The following ZNF619 variants were observed in gnomAD, a reference collection of about 807,000 sequenced individuals.
ZNF619 encodes zinc finger protein 619.
ZNF619 carries 9 observed loss-of-function variants against 14.2 expected under a neutral mutation model. The ratio of observed to expected loss-of-function variants is 0.64; its 90% CI spans 0.38 to 1.11. ZNF619 has a LOEUF of 1.11. Ranked by LOEUF, ZNF619 falls within the 50% of genes least tolerant of loss-of-function variation. The pLI is 0.01. For synonymous variants in ZNF619, 246 were observed against 252.8 expected, an observed-to-expected ratio of 0.97 and a Z score of 0.26; for missense variants, 659 against 680.1, an observed-to-expected ratio of 0.97 and a Z score of 0.34.
In ZNF619 at chr3:40,482,692, G is replaced by T; in HGVS notation, c.283G>T (p.Gly95Cys). The T allele has an allele frequency of 6.2e-7, 1 of 1,613,662 alleles. No individual in the cohort carries two copies. Among genetic ancestry groups the T allele is most frequent in the Non-Finnish European group, 8.5e-7 (1 of 1,179,738 alleles). ...WTLAGGEALR[G>C]MCTGGKTKTE... Reference sequence around the variant, plus strand: ...ACTTGCTGGGGGAGAGGCCCTGAGAGGCATGTGCACAGGTGAGCAGGAGAG... The same window carrying T: ...ACTTGCTGGGGGAGAGGCCCTGAGATGCATGTGCACAGGTGAGCAGGAGAG... Residue 95 changes from glycine (G) to cysteine (C), a missense_variant, in exon 4 of 5, where the codon GGC becomes TGC. Transcript: ENST00000432264.
chr3:40,488,392 GT>G lies in ZNF619; in HGVS notation c.*154del. On this transcript the variant is annotated 3_prime_UTR_variant, in exon 5 of 5. Transcript: ENST00000432264. The stretch of plus-strand genomic sequence containing the variant: ...TTAAATTCTCACGCTTAAGGACCAT[GT>G]TTGATTAGTTTCTTTTATCCCCCGG... 1.7e-6 allele frequency: 1 copy of G among 586,348 alleles called. No individual in the cohort carries two copies. The highest frequency in any genetic ancestry group is 2.3e-5 in the South Asian group (1 of 43,752). The allele number at this position is 586,348 out of a possible 1,614,324, so 36.3% of individuals were successfully genotyped here. A position where few individuals can be genotyped will look rare whatever the true frequency, so the allele number is the denominator to read the frequency against.
chr3:40,483,808 A>G (rs994000875), intron 4 of ZNF619: 4 of 330,184 alleles, frequency 1.2e-5, no homozygotes, highest in African/African-American at 7.2e-5. Flanking sequence ...TTGTATTTTT[A>G]GTAGAGATGG....
At position 40,488,098 on chromosome 3, in the gene ZNF619, C is replaced by A; in HGVS notation, c.1588C>A (p.Pro530Thr). ...TTCTTCACATGCAGTGGTACTTCCT[C>A]CCTCTGTGCCTTTCTTCCTGCTGCT... Reference protein sequence around the residue: ...LSSSHAVVLPPSVPFFLLLPS... With the variant: ...LSSSHAVVLPTSVPFFLLLPS... The change falls in exon 5 of 5, where the codon CCC becomes ACC. Residue 530 changes from proline to threonine, a missense_variant. Coordinates refer to ENST00000432264, the MANE Select transcript of ZNF619 (RefSeq NM_001145093.4). 1 of 1,614,212 alleles carries A rather than the reference C, an allele frequency of 6.2e-7. No individual in the cohort carries two copies. The highest frequency in any genetic ancestry group is 8.5e-7 in the Non-Finnish European group (1 of 1,180,040).
At chr3:40,479,546 A>G (rs1164682177) in intron 2 of ZNF619, among the ~76,000 whole-genome samples, 1 of 152,356 alleles carries the variant, frequency 6.6e-6, no homozygotes, top group African/African-American at 2.4e-5. Flanking sequence ...GTCCTTTCAG[A>G]TAATTACTAT....
In ZNF619 at chr3:40,487,231, T is replaced by A; in HGVS notation, c.721T>A (p.Phe241Ile). 2 of 1,614,146 alleles carry A rather than the reference T, an allele frequency of 1.2e-6. No individual in the cohort carries two copies. The highest frequency in any genetic ancestry group is 2.7e-5 in the African/African-American group (2 of 75,040). ...CACATGCAAAGAATGTGGGAAAACC[T>A]TCAGATATAACTCAAAACTGTCACG... ...PYTCKECGKTFRYNSKLSRHQ... is the reference protein window; with the variant it reads ...PYTCKECGKTIRYNSKLSRHQ... Residue 241 changes from phenylalanine to isoleucine, a missense_variant, in exon 5 of 5, where the codon TTC (phenylalanine) becomes ATC (isoleucine). By Grantham distance (21) the Phe-to-Ile change is conservative. Coordinates refer to ENST00000432264, the MANE Select transcript of ZNF619 (RefSeq NM_001145093.4).
chr3:40,477,709 T>C, intron 1 of ZNF619: 2 of 462,570 alleles, frequency 4.3e-6, no homozygotes, highest in Non-Finnish European at 3.9e-6. Flanking sequence ...TTTACAGATA[T>C]TCTTTCTAGA....
In ZNF619 at chr3:40,486,810, TA is replaced by T. The variant is rs1324840840; in HGVS notation, c.304del (p.Thr102ProfsTer12). ...EALRGMCTGG[K>X]TKTENEEKTA... The stretch of plus-strand genomic sequence containing the variant: ...GTTTTCTTTTTATCATGCTAGGTGG[TA>T]AAACCAAGACTGAGAATGAGGAAAA... On this transcript the variant is annotated frameshift_variant, in exon 5 of 5. Coordinates refer to ENST00000432264, the MANE Select transcript of ZNF619 (RefSeq NM_001145093.4). LOFTEE classifies it low-confidence loss of function (END_TRUNC). 13 of 1,589,194 alleles carry T rather than the reference TA, an allele frequency of 8.2e-6. No individual in the cohort carries two copies. Among genetic ancestry groups the T allele is most frequent in the Non-Finnish European group, 1.1e-5 (13 of 1,171,134 alleles).
rs1375649921 is a variant in ZNF619 at position 40,481,966 on chromosome 3, C to T, written c.128C>T (p.Ala43Val). Residue 43 changes from alanine (A) to valine (V), a missense_variant, in exon 3 of 5, where the codon GCC (alanine) becomes GTC (valine). By Grantham distance (64) the Ala-to-Val change is moderately conservative (BLOSUM62 0). Coordinates refer to ENST00000432264, the MANE Select transcript of ZNF619 (RefSeq NM_001145093.4). ...EWASLHPTQR[A>V]LYREVMLENY... ...GCCAGCCTGCACCCTACGCAGAGGG[C>T]CCTATACAGGGAGGTGATGCTGGAG... 2.5e-6 allele frequency: 4 copies of T among 1,612,158 alleles called. No homozygotes were observed. The highest frequency in any genetic ancestry group is 1.7e-5 in the Admixed American group (1 of 59,396).
chr3:40,485,641 G>A (rs1332080753), intron 4 of ZNF619, among the ~76,000 whole-genome samples: 2 of 147,186 alleles, frequency 1.4e-5, no homozygotes, highest in Non-Finnish European at 3.0e-5. Context: ...GTTTTGTTTC[G>A]GTTTCAGCTG....
intron 1 of ZNF619, among the ~76,000 whole-genome samples, 181 bp downstream of exon 1, chr3:40,477,538 G>A (rs1697233756): frequency 6.6e-6 from 1 of 152,200 alleles, no homozygotes; most frequent in South Asian, 2.1e-4. Context: ...TTTGTTTAGG[G>A]GTCCCCGTTA....
Position 40,489,649 on chromosome 3 carries a change from A to G in ZNF619, c.*1408A>G, listed in dbSNP as rs1476578938. The G allele has an allele frequency of 6.6e-6, 1 of 152,070 alleles. No individual in the cohort carries two copies. The highest frequency in any genetic ancestry group is 1.5e-5 in the Non-Finnish European group (1 of 68,024). 9.4% of individuals were successfully genotyped at this position (152,070 alleles called of 1,614,324 possible). On this transcript the variant is annotated 3_prime_UTR_variant, in exon 5 of 5. Coordinates refer to ENST00000432264, the MANE Select transcript of ZNF619 (RefSeq NM_001145093.4). ...CCCTTTAGGGTAGATGCCTGAGTATAGTAATCTCTAAAGCTGTACATGGAT... is the reference window on the plus strand; with the variant it reads ...CCCTTTAGGGTAGATGCCTGAGTATGGTAATCTCTAAAGCTGTACATGGAT...
chr3:40,486,632 C>T (rs564049340), intron 4 of ZNF619, among the ~76,000 whole-genome samples, 174 bp from the exon 5 acceptor site: 65 of 150,288 alleles, frequency 4.3e-4, no homozygotes, highest in Non-Finnish European at 8.4e-4. Flanking sequence ...ACCTGGGATG[C>T]GGAGGTTGTG....
At chr3:40,479,083 G>A (rs1216527552) in intron 2 of ZNF619, among the ~76,000 whole-genome samples, 1 of 152,114 alleles carries the variant, frequency 6.6e-6, no homozygotes, top group Non-Finnish European at 1.5e-5. Context: ...TATGCTCTCA[G>A]GCTCTGTCTT....
At chr3:40,479,832 A>G in intron 2 of ZNF619, among the ~76,000 whole-genome samples, 1 of 152,150 alleles carries the variant, frequency 6.6e-6, no homozygotes, top group East Asian at 1.9e-4. Flanking sequence ...CAGTTCTGAC[A>G]ACTAAAAATG....
rs374350645 is a variant in ZNF619, at chr3:40,487,013, A to G, written c.503A>G (p.His168Arg). 5 of 1,614,196 alleles carry G rather than the reference A, an allele frequency of 3.1e-6. No individual in the cohort carries two copies. The highest frequency in any genetic ancestry group is 2.2e-5 in the South Asian group (2 of 91,084). Residue 168 changes from histidine (H) to arginine (R), a missense_variant, in exon 5 of 5, where the codon CAT (histidine) becomes CGT (arginine). His to Arg is a conservative substitution (Grantham distance 29). Coordinates refer to ENST00000432264, the MANE Select transcript of ZNF619 (RefSeq NM_001145093.4). ...GDCTDLTVQDHESSTTEREEI... is the reference protein window; with the variant it reads ...GDCTDLTVQDRESSTTEREEI... Reference sequence around the variant, plus strand: ...TGCACAGATTTGACAGTCCAGGATCATGAATCTTCCACCACTGAAAGGGAG... The same window carrying G: ...TGCACAGATTTGACAGTCCAGGATCGTGAATCTTCCACCACTGAAAGGGAG...
rs186624465 is a variant in ZNF619 at position 40,477,954 on chromosome 3, G to C, written c.-26G>C. The C allele has an allele frequency of 6.5e-7, 1 of 1,550,318 alleles. No homozygotes were observed. Among genetic ancestry groups the C allele is most frequent in the Non-Finnish European group, 8.7e-7 (1 of 1,147,738 alleles). On this transcript the variant is annotated 5_prime_UTR_variant, in exon 2 of 5. Transcript: ENST00000432264. ...CTTACTTTTTCAAACCTAGAGGGCAGTGCATGAAGCCAGGGGTCATCAGCC... is the reference window on the plus strand; with the variant it reads ...CTTACTTTTTCAAACCTAGAGGGCACTGCATGAAGCCAGGGGTCATCAGCC...
intron 2 of ZNF619, 107 bp downstream of exon 2, chr3:40,478,110 C>T: frequency 3.8e-6 from 4 of 1,061,534 alleles, no homozygotes; most frequent in Non-Finnish European, 2.8e-6. Flanking sequence ...TTACATCCTT[C>T]AATAAAGTAT....
At chr3:40,478,509 C>T (rs1445939466) in intron 2 of ZNF619, among the ~76,000 whole-genome samples, 1 of 152,120 alleles carries the variant, frequency 6.6e-6, no homozygotes, top group Admixed American at 6.6e-5. Context: ...GAACTGGAAA[C>T]ATGTGGAAAA....
intron 4 of ZNF619, 62 bp downstream of exon 4, chr3:40,482,766 T>G: frequency 1.5e-6 from 2 of 1,319,110 alleles, no homozygotes; most frequent in Non-Finnish European, 2.1e-6. Flanking sequence ...TTTAACAATT[T>G]AGCATGAAAA....
Sources: gnomAD v4.1 joint callset for allele counts (sites outside exome capture counted in the v4.1 genomes callset) on GRCh38, gnomAD v4.1.1 for gene constraint, MANE v1.5 for transcripts, NCBI Gene and HGNC (gene_info 2026-07-23, HGNC 2026-07-21) for gene names.